ADGRL2: variants seen among roughly 807,000 people sequenced by gnomAD.
ADGRL2 encodes the protein adhesion G protein-coupled receptor L2, also known as calcium-independent alpha-latrotoxin receptor 2.
A neutral mutation model predicts 157.4 loss-of-function variants in ADGRL2; 44 were observed. The observed-to-expected ratio is 0.28, with a 90% CI of 0.22 to 0.36. The LOEUF is 0.36. Among genes scored for constraint, ADGRL2 ranks in the 10% least tolerant of loss-of-function variants. The pLI, the probability that ADGRL2 is intolerant of heterozygous loss-of-function variation, is 1.00. For synonymous variants in ADGRL2, 585 were observed against 624.7 expected (o/e 0.94, Z 0.95); for missense variants, 1,510 against 1,768.9 (o/e 0.85, Z 2.63).
chr1:81,902,830 G>T (rs186193667), intron 2 of ADGRL2, among the ~76,000 whole-genome samples: 6 of 152,216 alleles, frequency 3.9e-5, no homozygotes, highest in Non-Finnish European at 7.4e-5. Context: ...CTAGGAAGAT[G>T]TTTTCCTGTG....
intron 2 of ADGRL2, among the ~76,000 whole-genome samples, chr1:81,445,842 T>C (rs916609381): frequency 6.6e-6 from 1 of 152,236 alleles, no homozygotes. Context: ...TTTCAAGAGT[T>C]GTGGCATAGC....
rs2077241017 is a variant in ADGRL2, at chr1:81,427,534, G to T, written c.-301-17502G>T. ...CGAACCCATGTAAGGGGGCAGTTTTGGTGGAAGAAGCTCATCCCTATGATG... is the reference window on the plus strand; with the variant it reads ...CGAACCCATGTAAGGGGGCAGTTTTTGTGGAAGAAGCTCATCCCTATGATG... On this transcript the variant is annotated intron_variant, in intron 1 of 24. Transcript: ENST00000370721. 4 of 748,898 alleles carry T rather than the reference G, an allele frequency of 5.3e-6. No individual in the cohort carries two copies. The East Asian group carries it at 9.8e-5, about 18-fold the overall frequency. The allele number at this position is 748,898 out of a possible 1,614,324, so 46.4% of individuals were successfully genotyped here. A position where few individuals can be genotyped will look rare whatever the true frequency, so the allele number is the denominator to read the frequency against.
At chr1:81,605,443 G>A (rs1234405947) in intron 3 of ADGRL2, among the ~76,000 whole-genome samples, 1 of 152,186 alleles carries the variant, frequency 6.6e-6, no homozygotes, top group Non-Finnish European at 1.5e-5. Flanking sequence ...AAGAGAGCAA[G>A]AAATCTAACA....
chr1:81,469,649 C>G (rs555212235), intron 2 of ADGRL2, among the ~76,000 whole-genome samples: 1 of 152,152 alleles, frequency 6.6e-6, no homozygotes, highest in African/African-American at 2.4e-5. Context: ...CAGGCGGGCT[C>G]TATTCCTTTC....
intron 1 of ADGRL2, chr1:81,722,835 C>T (rs1385716913): frequency 1.4e-6 from 1 of 707,026 alleles, no homozygotes; most frequent in Admixed American, 2.0e-5. Flanking sequence ...TTCCAGGTGG[C>T]TTTCCTGGGG....
chr1:81,884,511 A>G (rs995436887), intron 2 of ADGRL2, among the ~76,000 whole-genome samples: 2 of 152,216 alleles, frequency 1.3e-5, no homozygotes, highest in African/African-American at 4.8e-5. Flanking sequence ...GAAAATTGCT[A>G]ATGATGTTGA....
chr1:81,626,689 A>T (rs2081918111), intron 3 of ADGRL2, among the ~76,000 whole-genome samples: 1 of 152,254 alleles, frequency 6.6e-6, no homozygotes, highest in Non-Finnish European at 1.5e-5. Flanking sequence ...AACAGAGTCA[A>T]CTGGCCAGGG....
chr1:81,841,740 T>C (rs184165419), intron 2 of ADGRL2, among the ~76,000 whole-genome samples: 180 of 152,304 alleles, frequency 1.2e-3, no homozygotes, highest in Non-Finnish European at 2.2e-3. Flanking sequence ...GGATGTTTTG[T>C]TGTTGTTCAC....
intron 2 of ADGRL2, among the ~76,000 whole-genome samples, chr1:81,872,803 G>A (rs2093734043): frequency 6.6e-6 from 1 of 151,996 alleles, no homozygotes; most frequent in South Asian, 2.1e-4. Context: ...ATATAATCAT[G>A]ATTTTCCTAT....
chr1:81,454,167 CTT>C (rs1177564379), intron 2 of ADGRL2, among the ~76,000 whole-genome samples: 1 of 145,766 alleles, frequency 6.9e-6, no homozygotes, highest in African/African-American at 2.5e-5. Context: ...AATCCTCACT[CTT>C]TTTTTTTTTT....
intron 1 of ADGRL2, among the ~76,000 whole-genome samples, chr1:81,323,456 T>A (rs1337373119): frequency 6.8e-6 from 1 of 147,584 alleles, no homozygotes; most frequent in Non-Finnish European, 1.5e-5. Context: ...TCTCACTATG[T>A]TACCCAGGCT....
chr1:81,656,387 C>T (rs530847201), intron 3 of ADGRL2, among the ~76,000 whole-genome samples: 182 of 152,312 alleles, frequency 1.2e-3, no homozygotes, highest in African/African-American at 4.0e-3. Context: ...GAATTCAAAC[C>T]TAGATGTGAC....
At chr1:81,423,228 C>T (rs1345254047) in intron 1 of ADGRL2, among the ~76,000 whole-genome samples, 3 of 152,152 alleles carry the variant, frequency 2.0e-5, no homozygotes, top group Non-Finnish European at 4.4e-5. Flanking sequence ...AAACTTAACC[C>T]TATGGGATAT....
chr1:81,427,136 G>A (rs1217090491), intron 1 of ADGRL2: 17 of 1,321,748 alleles, frequency 1.3e-5, no homozygotes, highest in Non-Finnish European at 1.6e-5. Context: ...TTGTGGAGGT[G>A]GATCCGGCAA....
intron 2 of ADGRL2, among the ~76,000 whole-genome samples, chr1:81,571,479 A>G (rs2080691950): frequency 6.7e-6 from 1 of 149,782 alleles, no homozygotes; most frequent in Non-Finnish European, 1.5e-5. Flanking sequence ...GGCCAGATTC[A>G]GTAGTTGGGT....
At chr1:81,506,251 T>G (rs1158372230) in intron 2 of ADGRL2, 1 of 152,254 alleles carries the variant, frequency 6.6e-6, no homozygotes. Context: ...TTTACACTGA[T>G]AAAAGGTTCA....
At chr1:81,625,880 T>G (rs959183811) in intron 3 of ADGRL2, among the ~76,000 whole-genome samples, 1 of 152,190 alleles carries the variant, frequency 6.6e-6, no homozygotes, top group Non-Finnish European at 1.5e-5. Flanking sequence ...AATGGTATAC[T>G]TGGCACAAGT....
chr1:81,619,917 CTCTGTGCCTCAGTT>C (rs1211158043), intron 3 of ADGRL2, among the ~76,000 whole-genome samples: 1 of 150,180 alleles, frequency 6.7e-6, no homozygotes, highest in Non-Finnish European at 1.5e-5. Flanking sequence ...TACCTAGCTT[CTCTGTGCCTCAGTT>C]TCCATTTCTT....
At chr1:81,951,523 T>C (rs1651791215) in intron 8 of ADGRL2, among the ~76,000 whole-genome samples, 1 of 152,166 alleles carries the variant, frequency 6.6e-6, no homozygotes, top group South Asian at 2.1e-4. Flanking sequence ...GTAACTTTAA[T>C]ATTGCAGTGT....
Sources: gnomAD v4.1 joint callset for allele counts (sites outside exome capture counted in the v4.1 genomes callset) on GRCh38, gnomAD v4.1.1 for gene constraint, MANE v1.5 for transcripts, NCBI Gene and HGNC (gene_info 2026-07-23, HGNC 2026-07-21) for gene names.